Variants in PVT1 observed in about 807,000 individuals in gnomAD.
The protein encoded by PVT1 is CXCR4/PVT1 fusion.
At chr8:127,855,792 C>T (rs1026424933) in intron 2 of PVT1, among the ~76,000 whole-genome samples, 4 of 152,170 alleles carry the variant, frequency 2.6e-5, no homozygotes, top group Non-Finnish European at 1.5e-5. Flanking sequence ...GGATAGACCT[C>T]GTGTGAAAAT....
intron 3 of PVT1, among the ~76,000 whole-genome samples, chr8:127,893,569 G>C (rs117637217): frequency 4.0e-4 from 61 of 152,280 alleles, no homozygotes; most frequent in Non-Finnish European, 6.8e-4. Flanking sequence ...GAAGTAACTG[G>C]AGCACCCAGA....
intron 4 of PVT1, among the ~76,000 whole-genome samples, chr8:128,035,588 C>T (rs958751432): frequency 6.6e-6 from 1 of 152,150 alleles, no homozygotes; most frequent in Non-Finnish European, 1.5e-5. Context: ...ACAGCAGCCC[C>T]CCAAGATGAC....
intron 2 of PVT1, among the ~76,000 whole-genome samples, chr8:127,887,931 G>GTTTTTTTTTTTTTTT (rs560976785): frequency 3.0e-5 from 2 of 66,588 alleles, no homozygotes; most frequent in African/African-American, 1.3e-4. Context: ...ACTCTATCTT[G>GTTTTTTTTTTTTTTT]TTTTTTTTTT....
At chr8:127,905,227 G>C (rs377443292) in intron 3 of PVT1, among the ~76,000 whole-genome samples, 413 of 152,284 alleles carry the variant, frequency 2.7e-3, no homozygotes, top group South Asian at 0.013. Flanking sequence ...TGCAACATTG[G>C]GGGTGATGCT....
At chr8:127,796,493 C>G (rs1241909799) in intron 2 of PVT1, among the ~76,000 whole-genome samples, 1 of 151,994 alleles carries the variant, frequency 6.6e-6, no homozygotes, top group East Asian at 1.9e-4. Flanking sequence ...TTTTCCGCCT[C>G]CTGAGCGGTA....
chr8:127,913,860 C>T (rs759646079), intron 3 of PVT1, among the ~76,000 whole-genome samples: 33 of 152,074 alleles, frequency 2.2e-4, no homozygotes, highest in South Asian at 1.0e-3. Context: ...GCCTGGACAT[C>T]TCCAGGGGCT....
Position 128,069,526 on chromosome 8 carries a change from T to G in PVT1, n.913-634T>G, listed in dbSNP as rs929946402. On this transcript the variant is annotated intron_variant and non_coding_transcript_variant, in intron 4 of 10. Coordinates refer to ENST00000651587, the Ensembl canonical transcript of PVT1. ...TTGCTTTTTGTCCCTCATGGTCATG[T>G]GTCATTTCATCTGCACCATAATCGT... Among the ~76,000 whole-genome samples the G allele has an allele frequency of 5.9e-5, 9 of 152,136 alleles. 1 individual carries two copies. The highest frequency in any genetic ancestry group is 1.3e-4 in the Non-Finnish European group (9 of 68,020).
intron 3 of PVT1, among the ~76,000 whole-genome samples, chr8:127,919,913 G>A (rs1318693066): frequency 6.6e-6 from 1 of 152,166 alleles, no homozygotes; most frequent in East Asian, 1.9e-4. Context: ...CGGTAGGCAG[G>A]TGCAATTTCT....
At position 127,914,589 on chromosome 8, in the gene PVT1, A is replaced by G. The variant is rs73357080; in HGVS notation, n.782+23591A>G. Reference sequence around the variant, plus strand: ...GTCTGTCCGCGGAAGAATAGCAAACAGTATTCAACTGTAAAATGGAATGAG... The same window carrying G: ...GTCTGTCCGCGGAAGAATAGCAAACGGTATTCAACTGTAAAATGGAATGAG... On this transcript the variant is annotated intron_variant and non_coding_transcript_variant, in intron 3 of 10. Coordinates refer to ENST00000651587, the Ensembl canonical transcript of PVT1. Among the ~76,000 whole-genome samples, 321 of 152,350 alleles carry G rather than the reference A, an allele frequency of 2.1e-3. 1 individual carries two copies. Among genetic ancestry groups the G allele is most frequent in the African/African-American group, 7.3e-3 (302 of 41,580 alleles).
At chr8:127,932,837 T>C (rs7014406) in intron 3 of PVT1, 80,721 of 245,290 alleles carry the variant, frequency 0.33, 14,175 homozygotes, top group East Asian at 0.48. Flanking sequence ...TATATGCGTA[T>C]CTATCTCCAA....
At chr8:127,878,825 G>A (rs979051896) in intron 2 of PVT1, among the ~76,000 whole-genome samples, 1 of 152,214 alleles carries the variant, frequency 6.6e-6, no homozygotes, top group Non-Finnish European at 1.5e-5. Flanking sequence ...GCAGATGAGG[G>A]TGTTTGCCTT....
Position 128,014,962 on chromosome 8 carries a change from A to G in PVT1, n.912+25671A>G, listed in dbSNP as rs528413237. Among the ~76,000 whole-genome samples, 38 of 151,886 alleles carry G rather than the reference A, an allele frequency of 2.5e-4. 2 individuals carry two copies. In the South Asian group the frequency reaches 6.0e-3, roughly 24 times the overall value. On this transcript the variant is annotated intron_variant and non_coding_transcript_variant, in intron 4 of 10. Coordinates refer to ENST00000651587, the Ensembl canonical transcript of PVT1. The stretch of plus-strand genomic sequence containing the variant: ...AGAAACTGTCCAAGAAACTAGTGGG[A>G]CTCCACACCTTGTGAGTTGTGTATC...
intron 3 of PVT1, among the ~76,000 whole-genome samples, chr8:127,956,221 C>T (rs1816567087): frequency 6.6e-6 from 1 of 152,230 alleles, no homozygotes; most frequent in Non-Finnish European, 1.5e-5. Flanking sequence ...GCTTGTTCCA[C>T]AGGAAGGATG....
At chr8:128,071,397 A>G (rs1387772937) in intron 5 of PVT1, among the ~76,000 whole-genome samples, 1 of 152,144 alleles carries the variant, frequency 6.6e-6, no homozygotes, top group African/African-American at 2.4e-5. Context: ...AAATTAATTT[A>G]TAGGATGTGT....
chr8:127,801,734 G>A (rs180701186), intron 2 of PVT1, among the ~76,000 whole-genome samples: 62 of 152,138 alleles, frequency 4.1e-4, no homozygotes, highest in Non-Finnish European at 6.5e-4. Context: ...CTTCTAGGCT[G>A]TTCACTGTTG....
chr8:128,075,577 C>G (rs1010158495), intron 5 of PVT1, among the ~76,000 whole-genome samples: 4 of 152,160 alleles, frequency 2.6e-5, no homozygotes, highest in Admixed American at 6.5e-5. Context: ...CTCATTAGTT[C>G]TGTGTAGGTC....
At chr8:128,074,250 T>C (rs1211031911) in intron 5 of PVT1, among the ~76,000 whole-genome samples, 1 of 152,158 alleles carries the variant, frequency 6.6e-6, no homozygotes, top group African/African-American at 2.4e-5. Context: ...CTCACGCCTG[T>C]AATCCCAGGA....
At chr8:127,979,858 A>G (rs1353838367) in intron 3 of PVT1, among the ~76,000 whole-genome samples, 2 of 145,274 alleles carry the variant, frequency 1.4e-5, no homozygotes, top group South Asian at 2.2e-4. Context: ...ATGGAGAAAC[A>G]TCTGCTTTGT....
At chr8:127,900,364 T>TA (rs111480918) in intron 3 of PVT1, among the ~76,000 whole-genome samples, 2,233 of 149,442 alleles carry the variant, frequency 0.015, 44 homozygotes, top group African/African-American at 0.055. Flanking sequence ...TTAAAGAAAT[T>TA]TAAAAAAAAA....
Sources: gnomAD v4.1 joint callset for allele counts (sites outside exome capture counted in the v4.1 genomes callset) on GRCh38, gnomAD v4.1.1 for gene constraint, MANE v1.5 for transcripts, NCBI Gene and HGNC (gene_info 2026-07-23, HGNC 2026-07-21) for gene names.